The following TTC3 variants were observed in gnomAD, a reference collection of about 807,000 sequenced individuals.
TTC3 encodes tetratricopeptide repeat domain 3, also known as E3 ubiquitin-protein ligase TTC3.
A neutral mutation model predicts 249.6 loss-of-function variants in TTC3; 180 were observed. The observed-to-expected ratio is 0.72, with a 90% CI of 0.64 to 0.82. The LOEUF (loss-of-function observed/expected upper bound fraction) is 0.82. Ranked by LOEUF, TTC3 falls within the 40% of genes least tolerant of loss-of-function variation. The probability of loss-of-function intolerance (pLI) is 0.00; values close to 1 mark genes in which losing one functional copy is unlikely to be tolerated. For missense variants in TTC3, 2,061 were observed against 2,398.4 expected (o/e 0.86, Z 2.94); for synonymous variants, 717 against 805.0 (o/e 0.89, Z 1.85).
At chr21:37,155,783 G>A (rs2148031513) in intron 27 of TTC3, among the ~76,000 whole-genome samples, 1 of 152,286 alleles carries the variant, frequency 6.6e-6, no homozygotes, top group East Asian at 1.9e-4. Flanking sequence ...TTGGAGAGTG[G>A]AGAATAAAAG....
chr21:37,166,365 A>C lies in TTC3; in HGVS notation c.4151A>C (p.Tyr1384Ser). The C allele has an allele frequency of 5.6e-6, 9 of 1,614,166 alleles. No individual in the cohort carries two copies. The highest frequency in any genetic ancestry group is 7.6e-6 in the Non-Finnish European group (9 of 1,180,022). Residue 1384 changes from tyrosine (Y) to serine (S), a missense_variant, in exon 33 of 46, where the codon TAT becomes TCT. Physicochemically the swap from Tyr to Ser is moderately radical, Grantham distance 144. This residue lies in a region of TTC3 where 1,040 missense variants were observed against 1,186.1 expected (regional missense o/e 0.88). Coordinates refer to ENST00000355666, the Ensembl canonical transcript of TTC3. ...AGAGCAGATAAAAATGCTGCTGCCT[A>C]TTTTGAGGGTCATCATTTGAATGCT...
rs1366752850 is a variant in TTC3, at chr21:37,073,510, C to G, written c.-12+146C>G. ...TGTGTGCGCGTCTCCTCGCGTCCCT[C>G]GCTGAGGTGCCTACTGTGTCTGCAT... On this transcript the variant is annotated intron_variant, in intron 1 of 45. Transcript: ENST00000355666. The G allele has an allele frequency of 6.1e-6, 6 of 979,872 alleles. No homozygotes were observed. In the African/African-American group the frequency reaches 1.1e-4, roughly 18 times the overall value. 60.7% of individuals were successfully genotyped at this position (979,872 alleles called of 1,614,324 possible).
chr21:37,105,680 A>G (rs181912375), intron 10 of TTC3, among the ~76,000 whole-genome samples: 3 of 152,286 alleles, frequency 2.0e-5, no homozygotes, highest in Non-Finnish European at 4.4e-5. Context: ...CTCCTCCCCC[A>G]GGAGAACTAC....
At chr21:37,084,115 G>C (rs931728390) in intron 1 of TTC3, 2 of 152,204 alleles carry the variant, frequency 1.3e-5, no homozygotes, top group Admixed American at 6.5e-5. Flanking sequence ...TTCAGAAAGT[G>C]CTGTGTTAAG....
intron 27 of TTC3, among the ~76,000 whole-genome samples, chr21:37,154,423 T>C (rs1174550972): frequency 6.6e-6 from 1 of 152,242 alleles, no homozygotes; most frequent in Non-Finnish European, 1.5e-5. Flanking sequence ...GCTTTGAACA[T>C]AGATCCTCAT....
chr21:37,176,050 G>A (rs1444579440), intron 35 of TTC3, among the ~76,000 whole-genome samples: 1 of 152,042 alleles, frequency 6.6e-6, no homozygotes, highest in Non-Finnish European at 1.5e-5. Flanking sequence ...GGAAGGCACC[G>A]TGCCTGGCCA....
intron 31 of TTC3, among the ~76,000 whole-genome samples, chr21:37,162,568 G>C (rs2080859542): frequency 6.6e-6 from 1 of 151,930 alleles, no homozygotes; most frequent in Non-Finnish European, 1.5e-5. Flanking sequence ...GTGAGTAGCA[G>C]TAACCTTTTT....
chr21:37,139,925 T>G (rs1413846369), intron 19 of TTC3, among the ~76,000 whole-genome samples: 1 of 152,214 alleles, frequency 6.6e-6, no homozygotes, highest in African/African-American at 2.4e-5. Flanking sequence ...AAAGCTCCAT[T>G]TTGTAGTGAC....
intron 1 of TTC3, among the ~76,000 whole-genome samples, chr21:37,073,787 C>T (rs1475087657): frequency 1.3e-5 from 2 of 152,194 alleles, no homozygotes; most frequent in Non-Finnish European, 2.9e-5. Flanking sequence ...CTGGCGGCTG[C>T]GTGGGCGCTC....
rs761076604 is a variant in TTC3 at position 37,147,621 on chromosome 21, A to G, written c.2016+18A>G. On this transcript the variant is annotated intron_variant, in intron 22 of 45. Coordinates refer to ENST00000355666, the Ensembl canonical transcript of TTC3. The stretch of plus-strand genomic sequence containing the variant: ...ACTTTAAGGTAAATAATGAGTGTAC[A>G]GTGGGACATTAACTTGCAAAATCAT... 2.5e-6 allele frequency: 4 copies of G among 1,574,236 alleles called. No individual in the cohort carries two copies. The South Asian group carries it at 4.8e-5, about 19-fold the overall frequency.
chr21:37,109,947 A>G (rs1182626949), intron 11 of TTC3, among the ~76,000 whole-genome samples: 2 of 152,198 alleles, frequency 1.3e-5, no homozygotes, highest in African/African-American at 2.4e-5. Flanking sequence ...ACCCAGGCAA[A>G]CAGGGTCTCG....
At chr21:37,130,916 T>C (rs1273776431) in intron 16 of TTC3, among the ~76,000 whole-genome samples, 5 of 152,198 alleles carry the variant, frequency 3.3e-5, no homozygotes, top group Non-Finnish European at 7.3e-5. Flanking sequence ...TAGAAGTTGT[T>C]TCTGTAGTGG....
intron 35 of TTC3, among the ~76,000 whole-genome samples, chr21:37,173,904 C>G (rs1166954338): frequency 1.3e-5 from 2 of 152,190 alleles, no homozygotes; most frequent in Non-Finnish European, 2.9e-5. Context: ...ACACATGGAA[C>G]ACAAGTTTCT....
intron 10 of TTC3, among the ~76,000 whole-genome samples, chr21:37,105,479 T>G (rs2074987889): frequency 6.6e-6 from 1 of 152,182 alleles, no homozygotes; most frequent in South Asian, 2.1e-4. Context: ...TTCAGACATC[T>G]TTAGCAGAAG....
At position 37,148,593 on chromosome 21, in the gene TTC3, C is replaced by T. The variant is rs752499467; in HGVS notation, c.2064C>T (p.His688=). The T allele has an allele frequency of 1.2e-5, 19 of 1,605,870 alleles. No homozygotes were observed. The Admixed American group carries it at 3.3e-4, about 27-fold the overall frequency. Residue 688 remains histidine (H), a synonymous_variant, in exon 23 of 46, where the codon CAC becomes CAT. Coordinates refer to ENST00000355666, the Ensembl canonical transcript of TTC3. ...GCCAGTACTGTAAAATAGAATTTCA[C>T]ATGAATTGCTGGAAGAAGTTAAAAA...
chr21:37,138,734 T>A lies in TTC3; in HGVS notation c.1659+20T>A, dbSNP rs1407140009. 1 of 1,528,970 alleles carries A rather than the reference T, an allele frequency of 6.5e-7. No homozygotes were observed. Among genetic ancestry groups the A allele is most frequent in the Admixed American group, 1.7e-5 (1 of 57,886 alleles). 94.7% of individuals were successfully genotyped at this position (1,528,970 alleles called of 1,614,324 possible). A position where few individuals can be genotyped will look rare whatever the true frequency, so the allele number is the denominator to read the frequency against. On this transcript the variant is annotated intron_variant, in intron 19 of 45. Transcript: ENST00000355666. ...CCTGAGGTAAGATTTGTAACAGTGG[T>A]AATAAACAATTAAAATGATATTGAC...
intron 21 of TTC3, among the ~76,000 whole-genome samples, chr21:37,146,808 C>T (rs916944789): frequency 6.6e-6 from 1 of 152,060 alleles, no homozygotes; most frequent in African/African-American, 2.4e-5. Flanking sequence ...CTAAGAACAC[C>T]GAACCGTACA....
At chr21:37,133,438 T>A (rs2077644438) in intron 17 of TTC3, among the ~76,000 whole-genome samples, 1 of 152,202 alleles carries the variant, frequency 6.6e-6, no homozygotes, top group African/African-American at 2.4e-5. Context: ...TTTCTTAAAG[T>A]TGGAGATTTT....
intron 2 of TTC3, 97 bp from the exon 3 acceptor site, chr21:37,087,736 G>T: frequency 1.1e-6 from 1 of 936,778 alleles, no homozygotes; most frequent in Non-Finnish European, 1.7e-6. Context: ...ATAAATAAAT[G>T]CCCACTGAAA....
Sources: gnomAD v4.1 joint callset for allele counts (sites outside exome capture counted in the v4.1 genomes callset) on GRCh38, gnomAD v4.1.1 for gene constraint, gnomAD v4.1.1 regional missense constraint, MANE v1.5 for transcripts, NCBI Gene and HGNC (gene_info 2026-07-23, HGNC 2026-07-21) for gene names.